Variants in SCARB1 observed in about 807,000 individuals in gnomAD.
SCARB1 encodes the protein scavenger receptor class B member 1, also known as CD36 and LIMPII analogous 1.
A neutral mutation model predicts 57.2 loss-of-function variants in SCARB1; 30 were observed. That is an observed-to-expected ratio of 0.52 (90% CI 0.39 to 0.71). The LOEUF (loss-of-function observed/expected upper bound fraction) is 0.71. Ranked by LOEUF, SCARB1 falls within the 30% of genes least tolerant of loss-of-function variation. The probability of loss-of-function intolerance (pLI) is 0.00; values close to 1 mark genes in which losing one functional copy is unlikely to be tolerated. For missense variants in SCARB1, 543 were observed against 671.2 expected (o/e 0.81, Z 2.11); for synonymous variants, 249 against 268.3 (o/e 0.93, Z 0.70).
At position 124,786,049 on chromosome 12, in the gene SCARB1, G is replaced by C. The variant is rs376113479; in HGVS notation, c.1401+308C>G. On this transcript the variant is annotated intron_variant, in intron 11 of 12. Transcript: ENST00000261693. ...GCCCCTAACAGAACCTGGCATCCCC[G>C]GGTGCTGACTTGATGAATGGATGAT... 7.3e-6 allele frequency: 11 copies of C among 1,509,130 alleles called. No individual in the cohort carries two copies. In the East Asian group the frequency reaches 9.9e-5, roughly 14 times the overall value. The allele number at this position is 1,509,130 out of a possible 1,614,324, so 93.5% of individuals were successfully genotyped here.
At chr12:124,846,150 T>C (rs1484418169) in intron 1 of SCARB1, among the ~76,000 whole-genome samples, 1 of 152,112 alleles carries the variant, frequency 6.6e-6, no homozygotes, top group Non-Finnish European at 1.5e-5. Flanking sequence ...GGGATGGAAA[T>C]GTTTTGAAAC....
intron 9 of SCARB1, among the ~76,000 whole-genome samples, chr12:124,791,228 T>A (rs1002064950): frequency 6.6e-6 from 1 of 152,206 alleles, no homozygotes; most frequent in Non-Finnish European, 1.5e-5. Flanking sequence ...GCTTTTCCCT[T>A]TGCTGATTTG....
At chr12:124,802,925 C>T (rs370170565) in intron 7 of SCARB1, among the ~76,000 whole-genome samples, 343 of 152,268 alleles carry the variant, frequency 2.3e-3, no homozygotes, top group Non-Finnish European at 3.7e-3. Flanking sequence ...GTGCACCAAA[C>T]GACACGTGTG....
chr12:124,856,220 G>A (rs1044100973), intron 1 of SCARB1, among the ~76,000 whole-genome samples: 4 of 152,242 alleles, frequency 2.6e-5, no homozygotes, highest in Admixed American at 6.5e-5. Context: ...GTGTTCATGT[G>A]TGTCCATTTG....
chr12:124,787,457 T>C lies in SCARB1; in HGVS notation c.1203A>G (p.Gly401=). The stretch of plus-strand genomic sequence containing the variant: ...CCACAGGCTCAATCTTCCCAGTTTG[T>C]CTGGAAATAAGCAAGACATAGCTGT... ...SLYMKSVAGI[G]QTGKIEPVVL... The change falls in exon 10 of 13, where the codon GGA becomes GGG. Residue 401 remains glycine (G), a splice_region_variant and synonymous_variant. Transcript: ENST00000261693. The C allele has an allele frequency of 1.2e-6, 2 of 1,613,408 alleles. No individual in the cohort carries two copies. Among genetic ancestry groups the C allele is most frequent in the Non-Finnish European group, 1.7e-6 (2 of 1,179,754 alleles).
At chr12:124,779,572 C>T (rs554129200) in intron 12 of SCARB1, among the ~76,000 whole-genome samples, 8 of 152,246 alleles carry the variant, frequency 5.3e-5, no homozygotes, top group African/African-American at 1.9e-4. Context: ...GCAATGGCTG[C>T]GTCTGGGTGA....
chr12:124,842,101 G>C (rs939536420), intron 1 of SCARB1, among the ~76,000 whole-genome samples: 2 of 152,232 alleles, frequency 1.3e-5, no homozygotes, highest in African/African-American at 2.4e-5. Context: ...GCTGCCCGGA[G>C]CAGATTCTCC....
chr12:124,783,820 A>T (rs1411327604), intron 11 of SCARB1: 1 of 152,234 alleles, frequency 6.6e-6, no homozygotes, highest in Non-Finnish European at 1.5e-5. Flanking sequence ...AAAACAAAAA[A>T]AACTGGTAAG....
At chr12:124,826,279 C>T (rs571558238) in intron 1 of SCARB1, among the ~76,000 whole-genome samples, 3 of 146,934 alleles carry the variant, frequency 2.0e-5, no homozygotes, top group African/African-American at 5.1e-5. Context: ...TGCAGTGAAC[C>T]GTGATCACCC....
At chr12:124,828,518 C>T (rs1951257811) in intron 1 of SCARB1, among the ~76,000 whole-genome samples, 1 of 152,190 alleles carries the variant, frequency 6.6e-6, no homozygotes, top group South Asian at 2.1e-4. Flanking sequence ...GGAGCAGAAT[C>T]GTCTGGACGA....
At chr12:124,853,600 G>A (rs1952516916) in intron 1 of SCARB1, among the ~76,000 whole-genome samples, 1 of 152,038 alleles carries the variant, frequency 6.6e-6, no homozygotes, top group South Asian at 2.1e-4. Flanking sequence ...TCACCATGTT[G>A]GCCAGGCTGG....
rs190919383 is a variant in SCARB1, at chr12:124,794,217, G to C, written c.1202+978C>G. ...AAAATGTTCCAAAATTGATTGTGGT[G>C]ATAGATACACAATTCTGTGAATATA... is the stretch of plus-strand genomic sequence containing the variant. On this transcript the variant is annotated intron_variant, in intron 9 of 12. Coordinates refer to ENST00000261693, the MANE Select transcript of SCARB1 (RefSeq NM_005505.5). 4.4e-3 allele frequency among the ~76,000 whole-genome samples: 666 copies of C among 152,218 alleles called. 4 individuals carry two copies. Among genetic ancestry groups the C allele is most frequent in the Non-Finnish European group, 7.2e-3 (489 of 68,010 alleles).
In SCARB1 at chr12:124,822,174, T is replaced by G. The variant is rs2135710969; in HGVS notation, c.127-4467A>C. 6.6e-6 allele frequency among the ~76,000 whole-genome samples: 1 copy of G among 152,318 alleles called. No homozygotes were observed. The highest frequency in any genetic ancestry group is 2.1e-4 in the South Asian group (1 of 4,830). On this transcript the variant is annotated intron_variant, in intron 1 of 12. Transcript: ENST00000261693. This position sits in a 1 kb window ranked among gnomAD's most constrained non-coding sequence, Gnocchi z 5.0. Reference sequence around the variant, plus strand: ...GGAGTGCCTGGCAGAGGACACAGCCTGTGCAAAGGCTGGGAAGCCTTTAAG... The same window carrying G: ...GGAGTGCCTGGCAGAGGACACAGCCGGTGCAAAGGCTGGGAAGCCTTTAAG...
intron 7 of SCARB1, among the ~76,000 whole-genome samples, chr12:124,803,405 T>TA (rs1421865620): frequency 6.6e-6 from 1 of 151,948 alleles, no homozygotes; most frequent in Non-Finnish European, 1.5e-5. Flanking sequence ...CCCCGTCTCT[T>TA]AAAAAAAATT....
At chr12:124,833,675 G>C (rs1220694234) in intron 1 of SCARB1, among the ~76,000 whole-genome samples, 2 of 152,084 alleles carry the variant, frequency 1.3e-5, no homozygotes, top group Non-Finnish European at 2.9e-5. Flanking sequence ...CTGCACCAGG[G>C]AGTGTGACAT....
At position 124,817,557 on chromosome 12, in the gene SCARB1, C is replaced by G; in HGVS notation, c.277G>C (p.Val93Leu). 1 of 1,613,948 alleles carries G rather than the reference C, an allele frequency of 6.2e-7. No homozygotes were observed. Among genetic ancestry groups the G allele is most frequent in the Non-Finnish European group, 8.5e-7 (1 of 1,180,010 alleles). Residue 93 changes from valine to leucine, a missense_variant, in exon 2 of 13, where the codon GTG (valine) becomes CTG (leucine). Coordinates refer to ENST00000261693, the MANE Select transcript of SCARB1 (RefSeq NM_005505.5). The surrounding 1 kb of genome is among the most constrained non-coding windows in gnomAD (Gnocchi z 4.8). ...KPQVRERGPY[V>L]YREFRHKSNI... Reference sequence around the variant, plus strand: ...ACCTGGACACAGCCTCACCTGTACACGTAGGGCCCGCGCTCCCGCACCTGC... The same window carrying G: ...ACCTGGACACAGCCTCACCTGTACAGGTAGGGCCCGCGCTCCCGCACCTGC...
chr12:124,789,192 T>C lies in SCARB1; in HGVS notation c.1203-1735A>G, dbSNP rs939544520. On this transcript the variant is annotated intron_variant, in intron 9 of 12. Transcript: ENST00000261693. This position sits in a 1 kb window ranked among gnomAD's most constrained non-coding sequence, Gnocchi z 4.4. Reference sequence around the variant, plus strand: ...CGACATCAACAGTGATACAGTATGTTGACGGAATGTACCCAAGATGCTCTG... The same window carrying C: ...CGACATCAACAGTGATACAGTATGTCGACGGAATGTACCCAAGATGCTCTG... Among the ~76,000 whole-genome samples the C allele has an allele frequency of 4.6e-5, 7 of 152,192 alleles. No individual in the cohort carries two copies. Among genetic ancestry groups the C allele is most frequent in the Non-Finnish European group, 1.0e-4 (7 of 68,042 alleles).
Position 124,790,366 on chromosome 12 carries a change from G to A in SCARB1, c.1203-2909C>T, listed in dbSNP as rs142597159. ...TGTACTCCAGTCTAGATAGCAGAGC[G>A]AGACTGTGTCTCAACAACAACAACA... On this transcript the variant is annotated intron_variant, in intron 9 of 12. Transcript: ENST00000261693. 6.1e-4 allele frequency among the ~76,000 whole-genome samples: 92 copies of A among 151,328 alleles called. 1 individual carries two copies. The highest frequency in any genetic ancestry group is 1.9e-3 in the African/African-American group (78 of 41,116).
At chr12:124,808,767 A>G (rs937554152) in intron 6 of SCARB1, among the ~76,000 whole-genome samples, 1 of 152,112 alleles carries the variant, frequency 6.6e-6, no homozygotes, top group Non-Finnish European at 1.5e-5. Context: ...CGCCCTTGAC[A>G]TGGGGTGAGT....
Sources: gnomAD v4.1 joint callset for allele counts (sites outside exome capture counted in the v4.1 genomes callset) on GRCh38, gnomAD v4.1.1 for gene constraint, Gnocchi (gnomAD v3.1) non-coding constraint, MANE v1.5 for transcripts, NCBI Gene and HGNC (gene_info 2026-07-23, HGNC 2026-07-21) for gene names.